Variants in SPTLC1 observed in about 807,000 individuals in gnomAD.
SPTLC1 encodes serine palmitoyltransferase 1.
SPTLC1 carries 55 observed loss-of-function variants against 68.9 expected under a neutral mutation model. The observed-to-expected ratio is 0.80, with a 90% CI of 0.64 to 1.00. The LOEUF is 1.00. Ranked by LOEUF, SPTLC1 falls within the 50% of genes least tolerant of loss-of-function variation. SPTLC1 has a pLI of 0.00. For missense variants in SPTLC1, 449 were observed against 573.1 expected (o/e 0.78, Z 2.21); for synonymous variants, 197 against 201.6 (o/e 0.98, Z 0.19).
chr9:92,045,920 T>C, intron 12 of SPTLC1, 79 bp downstream of exon 12: 1 of 1,380,268 alleles, frequency 7.2e-7, no homozygotes, highest in East Asian at 2.4e-5. Context: ...GACCCAAGCC[T>C]AGAAATTTAA....
chr9:92,048,646 T>G (rs1833601378), intron 9 of SPTLC1, among the ~76,000 whole-genome samples: 1 of 152,218 alleles, frequency 6.6e-6, no homozygotes, highest in African/African-American at 2.4e-5. Flanking sequence ...TCATGGGGTT[T>G]CATCTATAAA....
rs892015950 is a variant in SPTLC1 at position 92,100,064 on chromosome 9, GA to G, written c.260+8675del. The stretch of plus-strand genomic sequence containing the variant: ...ACGCATGACTGTAAGGAAACCTGGG[GA>G]AAAAAAAGTCAAGAAGAAAATAAAG... On this transcript the variant is annotated intron_variant, in intron 3 of 14. Coordinates refer to ENST00000262554, the MANE Select transcript of SPTLC1 (RefSeq NM_006415.4). Among the ~76,000 whole-genome samples, 29 of 128,246 alleles carry G rather than the reference GA, an allele frequency of 2.3e-4. No homozygotes were observed. The East Asian group carries it at 5.8e-3, about 26-fold the overall frequency. 84.1% of individuals were successfully genotyped at this position (128,246 alleles called of 152,430 possible).
At position 92,114,277 on chromosome 9, in the gene SPTLC1, AAAT is replaced by A. The variant is rs1836353927; in HGVS notation, c.57+1034_57+1036del. 2.0e-5 allele frequency among the ~76,000 whole-genome samples: 3 copies of A among 152,044 alleles called. No individual in the cohort carries two copies. In the South Asian group the frequency reaches 6.2e-4, roughly 31 times the overall value. ...AGTGAAACCCTGTCTTTAAAAAATAAAATAAAATAAAATAAGTTCTTCAGTGCC... is the reference window on the plus strand; with the variant it reads ...AGTGAAACCCTGTCTTTAAAAAATAAAAAATAAAATAAGTTCTTCAGTGCC... On this transcript the variant is annotated intron_variant, in intron 1 of 14. Transcript: ENST00000262554.
At chr9:92,034,066 C>G (rs1185959424) in intron 14 of SPTLC1, among the ~76,000 whole-genome samples, 1 of 152,226 alleles carries the variant, frequency 6.6e-6, no homozygotes, top group Non-Finnish European at 1.5e-5. Context: ...CACTGAAAAC[C>G]CTGAGCAAAG....
chr9:92,085,136 T>C (rs1337248974), intron 3 of SPTLC1, among the ~76,000 whole-genome samples: 1 of 151,590 alleles, frequency 6.6e-6, no homozygotes, highest in African/African-American at 2.4e-5. Context: ...CTCTCTTTTT[T>C]TCTTTATTAG....
intron 12 of SPTLC1, 117 bp downstream of exon 12, chr9:92,045,882 G>C: frequency 1.2e-6 from 1 of 835,584 alleles, no homozygotes; most frequent in Non-Finnish European, 2.0e-6. Context: ...CTAAGTTTTT[G>C]GTTTCTTAGC....
intron 6 of SPTLC1, among the ~76,000 whole-genome samples, chr9:92,060,857 G>A (rs1392382977): frequency 6.6e-6 from 1 of 150,546 alleles, no homozygotes; most frequent in East Asian, 1.9e-4. Flanking sequence ...AGCTTGCAGT[G>A]AGTCAAGATG....
chr9:92,049,871 G>A (rs1435671707), intron 9 of SPTLC1, 89 bp downstream of exon 9: 2 of 934,118 alleles, frequency 2.1e-6, no homozygotes, highest in Non-Finnish European at 1.8e-6. Context: ...AAGGAACACT[G>A]TCTTGTGCCT....
At chr9:92,081,966 C>T (rs919306553) in intron 3 of SPTLC1, among the ~76,000 whole-genome samples, 1 of 152,074 alleles carries the variant, frequency 6.6e-6, no homozygotes, top group East Asian at 1.9e-4. Flanking sequence ...TTCATGAAAG[C>T]GAACTAACTT....
chr9:92,038,486 T>C (rs1384234621), intron 12 of SPTLC1, 121 bp from the exon 13 acceptor site: 2 of 768,840 alleles, frequency 2.6e-6, no homozygotes, highest in Admixed American at 1.8e-5. Flanking sequence ...AGCTTGCGAC[T>C]GATGGGAAGC....
intron 6 of SPTLC1, among the ~76,000 whole-genome samples, chr9:92,066,481 A>G (rs1834288977): frequency 6.6e-6 from 1 of 152,156 alleles, no homozygotes; most frequent in African/African-American, 2.4e-5. Context: ...CTAGTCAGAA[A>G]GAGCATGTGC....
chr9:92,057,474 C>T (rs1833936417), intron 7 of SPTLC1, among the ~76,000 whole-genome samples: 1 of 152,236 alleles, frequency 6.6e-6, no homozygotes, highest in African/African-American at 2.4e-5. Context: ...CTCTTTGTCT[C>T]ACCACATCTG....
At chr9:92,062,544 A>C (rs1021081951) in intron 6 of SPTLC1, among the ~76,000 whole-genome samples, 7 of 152,228 alleles carry the variant, frequency 4.6e-5, no homozygotes, top group African/African-American at 1.7e-4. Flanking sequence ...AGCAGAATAC[A>C]CATTTTTTAA....
chr9:92,041,688 C>A (rs140124001), intron 12 of SPTLC1, among the ~76,000 whole-genome samples: 23 of 152,186 alleles, frequency 1.5e-4, no homozygotes, highest in African/African-American at 5.3e-4. Flanking sequence ...GGTTATAGAT[C>A]CATTTAAATT....
intron 3 of SPTLC1, among the ~76,000 whole-genome samples, chr9:92,087,726 G>A (rs1212363258): frequency 1.5e-4 from 23 of 152,106 alleles, no homozygotes; most frequent in African/African-American, 3.9e-4. Context: ...CAGTCTGCCC[G>A]TTCTCAGATC....
At chr9:92,114,710 G>C (rs1387158275) in intron 1 of SPTLC1, among the ~76,000 whole-genome samples, 1 of 149,952 alleles carries the variant, frequency 6.7e-6, no homozygotes, top group Non-Finnish European at 1.5e-5. Flanking sequence ...ACTCCAGCTT[G>C]AGCAACAAGT....
At chr9:92,098,111 C>G (rs1835602502) in intron 3 of SPTLC1, among the ~76,000 whole-genome samples, 1 of 152,086 alleles carries the variant, frequency 6.6e-6, no homozygotes, top group Middle Eastern at 3.2e-3. Context: ...TTCACCGGTT[C>G]CCGCCATCTC....
chr9:92,076,183 G>C (rs529633569), intron 5 of SPTLC1, among the ~76,000 whole-genome samples: 95 of 152,276 alleles, frequency 6.2e-4, no homozygotes, highest in African/African-American at 2.3e-3. Context: ...CCGCCACCCT[G>C]TCAACTGGGC....
Position 92,108,809 on chromosome 9 carries a change from C to T in SPTLC1, c.191G>A (p.Trp64Ter). Residue 64 changes from tryptophan to a stop codon, truncating the protein, a stop_gained, in exon 3 of 15, where the codon TGG becomes TAG. Coordinates refer to ENST00000262554, the MANE Select transcript of SPTLC1 (RefSeq NM_006415.4). LOFTEE classifies it high-confidence loss of function. ...VKEKEELIEE[W>*]QPEPLVPPVP... ...AGGAGGAACAAGAGGTTCTGGTTGC[C>T]ACTCTTCAATCAGTTCTTCTTTTTC... 1 of 1,602,382 alleles carries T rather than the reference C, an allele frequency of 6.2e-7. No homozygotes were observed. The highest frequency in any genetic ancestry group is 2.2e-5 in the East Asian group (1 of 44,764).
Sources: gnomAD v4.1 joint callset for allele counts (sites outside exome capture counted in the v4.1 genomes callset) on GRCh38, gnomAD v4.1.1 for gene constraint, MANE v1.5 for transcripts, NCBI Gene and HGNC (gene_info 2026-07-23, HGNC 2026-07-21) for gene names.